SLC24A2: variants seen among roughly 807,000 people sequenced by gnomAD.
The protein encoded by SLC24A2 is solute carrier family 24 member 2.
Under a neutral mutation model 62.0 loss-of-function variants are expected in SLC24A2, and 36 were observed. The ratio of observed to expected loss-of-function variants is 0.58; its 90% CI spans 0.44 to 0.77. The LOEUF is 0.77. Among genes scored for constraint, SLC24A2 ranks in the 30% least tolerant of loss-of-function variants. The probability of loss-of-function intolerance (pLI) is 0.00; values close to 1 mark genes in which losing one functional copy is unlikely to be tolerated. For missense variants in SLC24A2, 846 were observed against 817.9 expected (o/e 1.03, Z -0.42); for synonymous variants, 358 against 294.0 (o/e 1.22, Z -2.23).
chr9:19,678,501 T>C (rs1382421864), intron 2 of SLC24A2, among the ~76,000 whole-genome samples: 1 of 152,250 alleles, frequency 6.6e-6, no homozygotes, highest in African/African-American at 2.4e-5. Flanking sequence ...TGGTCTAGTG[T>C]AACCCTTTAT....
the SLC24A2 span, among the ~76,000 whole-genome samples, chr9:20,075,935 T>A: frequency 6.6e-6 from 1 of 152,204 alleles, no homozygotes; most frequent in Non-Finnish European, 1.5e-5. Context: ...TATTTGCATA[T>A]AACCTATGTA....
the SLC24A2 span, chr9:19,967,165 C>A: frequency 2.6e-5 from 4 of 152,112 alleles, no homozygotes; most frequent in African/African-American, 9.7e-5. Flanking sequence ...TGGAATAAAT[C>A]ATAAATTGTT....
Position 19,636,331 on chromosome 9 carries a change from CTTT to C in SLC24A2, c.931-14035_931-14033del, listed in dbSNP as rs1564009837. On this transcript the variant is annotated intron_variant, in intron 2 of 10. Coordinates refer to ENST00000341998, the MANE Select transcript of SLC24A2 (RefSeq NM_020344.4). The stretch of plus-strand genomic sequence containing the variant: ...TTTCTTTTCTTTTCTTTCTTTCTTT[CTTT>C]CTTTCTTTCTTTCTTTCTTTCTTTC... Among the ~76,000 whole-genome samples, 22 of 19,602 alleles carry C rather than the reference CTTT, an allele frequency of 1.1e-3. 1 individual carries two copies. Among genetic ancestry groups the C allele is most frequent in the African/African-American group, 4.2e-3 (17 of 4,048 alleles). 12.9% of individuals were successfully genotyped at this position (19,602 alleles called of 152,430 possible).
the SLC24A2 span, among the ~76,000 whole-genome samples, chr9:20,235,803 C>T: frequency 6.6e-6 from 1 of 152,224 alleles, no homozygotes; most frequent in Non-Finnish European, 1.5e-5. Flanking sequence ...ATGCAGAAAT[C>T]ACCCATCTTC....
At chr9:20,258,812 CTACCT>C in the SLC24A2 span, among the ~76,000 whole-genome samples, 6,226 of 137,734 alleles carry the variant, frequency 0.045, 125 homozygotes, top group Middle Eastern at 0.064. Context: ...ATCTATCTAT[CTACCT>C]TATCTATCTA....
chr9:19,648,665 C>T (rs1402548637), intron 2 of SLC24A2, among the ~76,000 whole-genome samples: 2 of 152,104 alleles, frequency 1.3e-5, no homozygotes, highest in African/African-American at 4.8e-5. Flanking sequence ...TTCTACTGGG[C>T]AGGAGGAACC....
the SLC24A2 span, among the ~76,000 whole-genome samples, chr9:20,271,406 G>T: frequency 6.6e-6 from 1 of 152,194 alleles, no homozygotes; most frequent in Non-Finnish European, 1.5e-5. Flanking sequence ...ATCCTCTGCT[G>T]CTGGGCTAGT....
At chr9:19,850,727 A>G in the SLC24A2 span, among the ~76,000 whole-genome samples, 1 of 151,720 alleles carries the variant, frequency 6.6e-6, no homozygotes, top group African/African-American at 2.4e-5. Flanking sequence ...GTAGTGTTTT[A>G]TATCTTGCTT....
chr9:20,271,630 T>A, the SLC24A2 span, among the ~76,000 whole-genome samples: 1 of 152,186 alleles, frequency 6.6e-6, no homozygotes, highest in Admixed American at 6.5e-5. Context: ...TCCTGAAGCA[T>A]CTTAGGAAAG....
At chr9:19,741,007 G>A (rs531577879) in intron 2 of SLC24A2, among the ~76,000 whole-genome samples, 1 of 152,222 alleles carries the variant, frequency 6.6e-6, no homozygotes, top group African/African-American at 2.4e-5. Context: ...ATACACTGTG[G>A]AAATGGAATG....
chr9:20,049,763 G>T, the SLC24A2 span, among the ~76,000 whole-genome samples: 2 of 149,602 alleles, frequency 1.3e-5, no homozygotes, highest in Non-Finnish European at 3.0e-5. Flanking sequence ...GGAAGCTGTT[G>T]TCACCCATAA....
chr9:19,842,088 A>G, the SLC24A2 span, among the ~76,000 whole-genome samples: 1 of 152,216 alleles, frequency 6.6e-6, no homozygotes, highest in Non-Finnish European at 1.5e-5. Flanking sequence ...TACATTAGAC[A>G]TCTTCTATTA....
At chr9:19,797,603 A>G in the SLC24A2 span, among the ~76,000 whole-genome samples, 3 of 152,162 alleles carry the variant, frequency 2.0e-5, no homozygotes, top group Admixed American at 2.0e-4. Context: ...AGGCTGATCA[A>G]TTTCCCCAGG....
the SLC24A2 span, among the ~76,000 whole-genome samples, chr9:20,001,411 G>A: frequency 6.6e-6 from 1 of 152,176 alleles, no homozygotes; most frequent in South Asian, 2.1e-4. Context: ...AGCAGGAAGG[G>A]GAAGAAGCCA....
At chr9:19,584,124 G>A (rs531765634) in intron 5 of SLC24A2, among the ~76,000 whole-genome samples, 1 of 152,066 alleles carries the variant, frequency 6.6e-6, no homozygotes, top group Admixed American at 6.5e-5. Flanking sequence ...GCCATCTTTA[G>A]TATCCCTTGA....
chr9:19,727,489 C>T (rs1005689479), intron 2 of SLC24A2, among the ~76,000 whole-genome samples: 1 of 152,062 alleles, frequency 6.6e-6, no homozygotes, highest in Admixed American at 6.6e-5. Flanking sequence ...ACTGTCTTCC[C>T]TCCCCTACAA....
chr9:19,734,904 A>T (rs564826396), intron 2 of SLC24A2, among the ~76,000 whole-genome samples: 3 of 152,082 alleles, frequency 2.0e-5, no homozygotes, highest in East Asian at 3.9e-4. Flanking sequence ...AACCATAAAA[A>T]CCCTAGAAGA....
chr9:20,242,843 G>A, the SLC24A2 span, among the ~76,000 whole-genome samples: 1 of 152,292 alleles, frequency 6.6e-6, no homozygotes, highest in East Asian at 1.9e-4. Context: ...TTTCACTGGT[G>A]ATCTAGTGCT....
the SLC24A2 span, among the ~76,000 whole-genome samples, chr9:20,200,775 T>C: frequency 1.3e-5 from 2 of 152,190 alleles, no homozygotes; most frequent in African/African-American, 4.8e-5. Context: ...ACTTCATGCA[T>C]GTCTGAATAG....
Sources: allele counts gnomAD v4.1 joint callset (sites outside exome capture counted in the v4.1 genomes callset), GRCh38; gene constraint gnomAD v4.1.1; transcripts MANE v1.5; gene names NCBI Gene and HGNC (gene_info 2026-07-23, HGNC 2026-07-21).